Variants in DOK7 observed in about 807,000 individuals in gnomAD.
DOK7 encodes the protein docking protein 7.
Under a neutral mutation model 30.7 loss-of-function variants are expected in DOK7, and 32 were observed. That is an observed-to-expected ratio of 1.04 (90% confidence interval 0.79 to 1.40). The LOEUF (loss-of-function observed/expected upper bound fraction) is 1.40, where lower values mean the gene tolerates loss of function less well. Among genes scored for constraint, DOK7 ranks in the 40% most tolerant of loss-of-function variants. The probability of loss-of-function intolerance (pLI) is 0.00; values close to 1 mark genes in which losing one functional copy is unlikely to be tolerated. For missense variants in DOK7, 1,007 were observed against 699.2 expected (o/e 1.44, Z -4.97); for synonymous variants, 447 against 324.1 (o/e 1.38, Z -4.07).
chr4:3,487,384 T>C (rs960611529), intron 5 of DOK7, among the ~76,000 whole-genome samples: 4 of 152,192 alleles, frequency 2.6e-5, no homozygotes, highest in African/African-American at 9.6e-5. Flanking sequence ...ACTCCCACAA[T>C]AGAGCCCTGC....
intron 4 of DOK7, 124 bp from the exon 5 acceptor site, chr4:3,485,415 G>A: frequency 7.7e-7 from 1 of 1,299,798 alleles, no homozygotes; most frequent in Non-Finnish European, 1.0e-6. Context: ...TGACTTCGTG[G>A]GGCCAGGCAG....
At chr4:3,473,993 G>C (rs1434286195) in intron 3 of DOK7, among the ~76,000 whole-genome samples, 1 of 152,148 alleles carries the variant, frequency 6.6e-6, no homozygotes, top group Admixed American at 6.5e-5. Flanking sequence ...AGAGCCCCAG[G>C]CTGGGCGGTC....
intron 5 of DOK7, among the ~76,000 whole-genome samples, chr4:3,486,899 C>G (rs576361758): frequency 2.6e-5 from 4 of 152,216 alleles, no homozygotes; most frequent in Non-Finnish European, 1.5e-5. Flanking sequence ...GCTCCCTGCT[C>G]TCTCCTGCTC....
At chr4:3,468,616 T>G (rs997594784) in intron 2 of DOK7, among the ~76,000 whole-genome samples, 6 of 131,368 alleles carry the variant, frequency 4.6e-5, no homozygotes, top group Admixed American at 7.5e-5. Flanking sequence ...GTGCGTGCCT[T>G]TGTGTGTGCG....
intron 6 of DOK7, among the ~76,000 whole-genome samples, chr4:3,490,849 CCCCCCCACTCATTTCATTCCTTCATTA>C (rs1361598155): frequency 1.1e-5 from 1 of 90,270 alleles, no homozygotes; most frequent in South Asian, 4.6e-4. Context: ...TTCCTTCCTT[CCCCCCCACTCATTTCATTCCTTCATTA>C]CCCTCCTGCT....
intron 2 of DOK7, among the ~76,000 whole-genome samples, chr4:3,467,564 C>CGTGT (rs376864280): frequency 1.3e-5 from 2 of 150,640 alleles, no homozygotes; most frequent in South Asian, 4.2e-4. Context: ...TGTGCACGTG[C>CGTGT]GTGTGTGTGT....
rs112624739 is a variant in DOK7, at chr4:3,492,949, G to T, written c.963G>T (p.Pro321=). 6.4e-6 allele frequency: 10 copies of T among 1,553,726 alleles called. No homozygotes were observed. In the African/African-American group the frequency reaches 9.5e-5, roughly 15 times the overall value. Residue 321 remains proline, a synonymous_variant, in exon 7 of 7, where the codon CCG becomes CCT. Transcript: ENST00000340083. Reference sequence around the variant, plus strand: ...GTGCCTCAAGGCCACCCCCCAAGCCGCTGCGTCCGCGGCAGCTGCAGGAGG... The same window carrying T: ...GTGCCTCAAGGCCACCCCCCAAGCCTCTGCGTCCGCGGCAGCTGCAGGAGG... ...MVGASRPPPK[P]LRPRQLQEVG...
chr4:3,492,098 G>A (rs1437327755), intron 6 of DOK7, among the ~76,000 whole-genome samples: 2 of 152,220 alleles, frequency 1.3e-5, no homozygotes, highest in African/African-American at 4.8e-5. Context: ...AGAGCAGGCA[G>A]CTTAGAGACG....
chr4:3,473,744 G>T (rs893526979), intron 3 of DOK7, 108 bp downstream of exon 3: 2 of 1,100,380 alleles, frequency 1.8e-6, no homozygotes, highest in African/African-American at 1.6e-5. Flanking sequence ...AACCGTGCAG[G>T]AAGATGGGAC....
chr4:3,500,605 C>T, intron 7 of DOK7: 1 of 1,529,084 alleles, frequency 6.5e-7, no homozygotes, highest in Admixed American at 2.0e-5. Context: ...CTTCCGAGGG[C>T]CTGGCTGGGG....
In DOK7 at chr4:3,487,703, C is replaced by T. The variant is rs180797351; in HGVS notation, c.653-1974C>T. On this transcript the variant is annotated intron_variant, in intron 5 of 6. Transcript: ENST00000340083. ...GGGGGCGTGTGGTGGAGCTGGGAGT[C>T]GATCCGTGTCTTGCTGGCCCACCAG... is the stretch of plus-strand genomic sequence containing the variant. 2.5e-3 allele frequency among the ~76,000 whole-genome samples: 383 copies of T among 152,276 alleles called. 2 individuals carry two copies. The highest frequency in any genetic ancestry group is 0.014 in the Middle Eastern group (4 of 294).
chr4:3,466,557 G>C (rs770344269), intron 2 of DOK7, among the ~76,000 whole-genome samples: 2 of 152,200 alleles, frequency 1.3e-5, no homozygotes, highest in Non-Finnish European at 2.9e-5. Flanking sequence ...CCGGGCTGAA[G>C]ACCGGGCGTG....
downstream of DOK7, among the ~76,000 whole-genome samples, chr4:3,497,547 T>C (rs1408083109): frequency 6.6e-6 from 1 of 151,508 alleles, no homozygotes; most frequent in African/African-American, 2.4e-5. Context: ...TGGCCTGGGG[T>C]AGATGGGTGG....
At chr4:3,468,953 G>C (rs1467942630) in intron 2 of DOK7, among the ~76,000 whole-genome samples, 1 of 99,022 alleles carries the variant, frequency 1.0e-5, no homozygotes, top group African/African-American at 5.3e-5. Flanking sequence ...GCACGTGTGA[G>C]TGTGGTGCCT....
chr4:3,496,582 G>A (rs1230127088), downstream of DOK7, among the ~76,000 whole-genome samples: 1 of 152,202 alleles, frequency 6.6e-6, no homozygotes, highest in Admixed American at 6.5e-5. Flanking sequence ...GGTGGTTATG[G>A]GGGCTACCAC....
At chr4:3,469,310 G>A (rs377272841) in intron 2 of DOK7, among the ~76,000 whole-genome samples, 4 of 152,086 alleles carry the variant, frequency 2.6e-5, no homozygotes, top group East Asian at 3.8e-4. Flanking sequence ...TCAGCATCAC[G>A]ACCCGGTGCC....
At chr4:3,485,243 A>C in intron 4 of DOK7, 1 of 325,712 alleles carries the variant, frequency 3.1e-6, no homozygotes, top group Non-Finnish European at 5.5e-6. Context: ...AGGACCTAGG[A>C]TGGGCGGGGC....
At position 3,472,680 on chromosome 4, in the gene DOK7, C is replaced by T. The variant is rs974229041; in HGVS notation, c.101-726C>T. ...ACCTGGTGGAGTAGACAGCACCAGC[C>T]GGTTGCCTGTGGTGACAGTGACGTT... On this transcript the variant is annotated intron_variant, in intron 2 of 6. Coordinates refer to ENST00000340083, the MANE Select transcript of DOK7 (RefSeq NM_173660.5). 3.3e-5 allele frequency among the ~76,000 whole-genome samples: 5 copies of T among 152,208 alleles called. No homozygotes were observed. In the East Asian group the frequency reaches 5.8e-4, roughly 18 times the overall value.
Position 3,473,561 on chromosome 4 carries a change from G to A in DOK7, c.256G>A (p.Ala86Thr). Residue 86 changes from alanine to threonine, a missense_variant, in exon 3 of 7, where the codon GCC becomes ACC. Physicochemically the swap from Ala to Thr is moderately conservative, Grantham distance 58. Transcript: ENST00000340083. The stretch of plus-strand genomic sequence containing the variant: ...GCTGGCCATTGTCTGCCTGTCCCAG[G>A]CCATCATGCTGGGCTTTGACAGCCA... ...HTLAIVCLSQ[A>T]IMLGFDSHEA... The A allele has an allele frequency of 6.2e-7, 1 of 1,610,568 alleles. No homozygotes were observed. Among genetic ancestry groups the A allele is most frequent in the Non-Finnish European group, 8.5e-7 (1 of 1,179,294 alleles).
Sources: allele counts gnomAD v4.1 joint callset (sites outside exome capture counted in the v4.1 genomes callset), GRCh38; gene constraint gnomAD v4.1.1; transcripts MANE v1.5; gene names NCBI Gene and HGNC (gene_info 2026-07-23, HGNC 2026-07-21).